Variants in MAU2 observed in about 807,000 individuals in gnomAD.
The protein encoded by MAU2 is MAU2 chromatid cohesion factor homolog.
MAU2 carries 9 observed loss-of-function variants against 89.1 expected under a neutral mutation model. The ratio of observed to expected loss-of-function variants is 0.10; its 90% CI spans 0.06 to 0.18. The LOEUF is 0.18. Among genes scored for constraint, MAU2 ranks in the 10% least tolerant of loss-of-function variants. MAU2 has a pLI of 1.00. For synonymous variants in MAU2, 357 were observed against 343.4 expected (o/e 1.04, Z -0.44); for missense variants, 425 against 803.5 (o/e 0.53, Z 5.69).
rs1390706773 is a variant in MAU2, at chr19:19,341,312, A to G, written c.640A>G (p.Ile214Val). The G allele has an allele frequency of 7.4e-6, 12 of 1,613,476 alleles. No homozygotes were observed. Among genetic ancestry groups the G allele is most frequent in the Non-Finnish European group, 1.0e-5 (12 of 1,180,008 alleles). ...VHPLLTLCGQ[I>V]VENWQGNPIQ... is the part of the protein sequence containing the mutation. ...CCCGCTGCTGACCCTCTGCGGGCAG[A>G]TCGTGGAGAACTGGCAGGGGAACCC... Residue 214 changes from isoleucine (I) to valine (V), a missense_variant, in exon 7 of 19, where the codon ATC (isoleucine) becomes GTC (valine). By Grantham distance (29) the Ile-to-Val change is conservative (BLOSUM62 3). Transcript: ENST00000262815.
chr19:19,337,513 G>A (rs923918739), intron 4 of MAU2, among the ~76,000 whole-genome samples: 12 of 152,220 alleles, frequency 7.9e-5, no homozygotes, highest in Non-Finnish European at 1.5e-4. Context: ...GTGGGAGTGC[G>A]GGGCTTCCCC....
chr19:19,355,564 G>C, intron 18 of MAU2, 144 bp from the exon 19 acceptor site: 1 of 1,193,718 alleles, frequency 8.4e-7, no homozygotes, highest in Non-Finnish European at 1.2e-6. Context: ...AAGGGACCCA[G>C]GTGTCTCCTC....
rs150150358 is a variant in MAU2, at chr19:19,348,918, G to C, written c.1338G>C (p.Pro446=). The part of the protein sequence containing the change: ...VLYSLLERIN[P]DHSFPVSSHC... ...ACAGTCTGCTGGAGAGGATCAACCC[G>C]GACCACAGCTTCCCTGTCAGGTGAG... Residue 446 remains proline, a synonymous_variant, in exon 14 of 19, where the codon CCG becomes CCC. Transcript: ENST00000262815. 2 of 1,613,752 alleles carry C rather than the reference G, an allele frequency of 1.2e-6. No individual in the cohort carries two copies. Among genetic ancestry groups the C allele is most frequent in the Admixed American group, 3.3e-5 (2 of 59,998 alleles).
chr19:19,355,955 C>A lies in MAU2; in HGVS notation c.*173C>A. The stretch of plus-strand genomic sequence containing the variant: ...CCTCCCAGGAGGGGTGGTAGCCGTT[C>A]CCACCTCGCAGCAGGACCCCCAGTG... On this transcript the variant is annotated 3_prime_UTR_variant, in exon 19 of 19. Coordinates refer to ENST00000262815, the MANE Select transcript of MAU2 (RefSeq NM_015329.4). The A allele has an allele frequency of 1.4e-6, 1 of 716,206 alleles. No individual in the cohort carries two copies. The highest frequency in any genetic ancestry group is 2.5e-6 in the Non-Finnish European group (1 of 399,964). 44.4% of individuals were successfully genotyped at this position (716,206 alleles called of 1,614,324 possible).
In MAU2 at chr19:19,348,950, C is replaced by T; in HGVS notation, c.1358+12C>T. ...AGCTTCCCTGTCAGGTGAGCCGCTC[C>T]AGGCACCACTCCACGCACGGCCTAG... On this transcript the variant is annotated intron_variant, in intron 14 of 18. Transcript: ENST00000262815. 1 of 1,612,878 alleles carries T rather than the reference C, an allele frequency of 6.2e-7. No individual in the cohort carries two copies. Among genetic ancestry groups the T allele is most frequent in the Non-Finnish European group, 8.5e-7 (1 of 1,179,556 alleles).
In MAU2 at chr19:19,338,826, T is replaced by C; in HGVS notation, c.457-19T>C. 6.3e-7 allele frequency: 1 copy of C among 1,596,942 alleles called. No homozygotes were observed. The highest frequency in any genetic ancestry group is 8.6e-7 in the Non-Finnish European group (1 of 1,167,720). ...TGATGGGTTTGGCAGCAAAGGTCACTGCTCTCTTTCCTTTTTAGCAACTGC... is the reference window on the plus strand; with the variant it reads ...TGATGGGTTTGGCAGCAAAGGTCACCGCTCTCTTTCCTTTTTAGCAACTGC... On this transcript the variant is annotated intron_variant, in intron 4 of 18. Transcript: ENST00000262815.
At chr19:19,325,699 G>A (rs754282000) in intron 1 of MAU2, among the ~76,000 whole-genome samples, 156 of 152,062 alleles carry the variant, frequency 1.0e-3, no homozygotes, top group Middle Eastern at 6.8e-3. Context: ...AGCTGGTCTC[G>A]AACTCCTGAC....
In MAU2 at chr19:19,336,575, G is replaced by A. The variant is rs144434675; in HGVS notation, c.360+388G>A. On this transcript the variant is annotated intron_variant, in intron 3 of 18. Coordinates refer to ENST00000262815, the MANE Select transcript of MAU2 (RefSeq NM_015329.4). ...ACACAGGAACCACTGTGCCCAGCCC[G>A]GTGGCTTTTAACACTCAGATTACTT... Among the ~76,000 whole-genome samples the A allele has an allele frequency of 5.4e-3, 818 of 152,268 alleles. 5 individuals are homozygous for A. Among genetic ancestry groups the A allele is most frequent in the Non-Finnish European group, 8.0e-3 (544 of 68,036 alleles).
intron 1 of MAU2, among the ~76,000 whole-genome samples, chr19:19,328,663 C>T (rs1488869484): frequency 6.6e-6 from 1 of 152,064 alleles, no homozygotes; most frequent in African/African-American, 2.4e-5. Context: ...CCTCGTAATC[C>T]GCCCGCCTCA....
chr19:19,338,354 C>T (rs2061613615), intron 4 of MAU2, among the ~76,000 whole-genome samples: 1 of 152,212 alleles, frequency 6.6e-6, no homozygotes, highest in South Asian at 2.1e-4. Context: ...CACCCAAGGG[C>T]CGAGCTCTTC....
intron 1 of MAU2, among the ~76,000 whole-genome samples, chr19:19,322,599 GA>G (rs1324340203): frequency 6.6e-6 from 1 of 151,830 alleles, no homozygotes; most frequent in Admixed American, 6.6e-5. Context: ...CCCTGTCTCA[GA>G]AAAAAAAGAT....
chr19:19,326,712 A>ATG (rs1438420376), intron 1 of MAU2, among the ~76,000 whole-genome samples: 2 of 115,354 alleles, frequency 1.7e-5, no homozygotes, highest in African/African-American at 6.1e-5. Context: ...GTATATATAT[A>ATG]TATATATACA....
At chr19:19,349,519 G>A (rs2146704572) in intron 16 of MAU2, 83 bp downstream of exon 16, 3 of 1,195,924 alleles carry the variant, frequency 2.5e-6, no homozygotes, top group Non-Finnish European at 3.7e-6. Flanking sequence ...CCCTAAGGGT[G>A]GCATGGCACT....
chr19:19,320,985 C>G lies in MAU2; in HGVS notation c.126C>G (p.Pro42=). ...AGCACTTCCGCACTTCCAGCCCGCC[C>G]AAAATCCGCCTGTGCGTGCACTGCC... ...FAEHFRTSSP[P]KIRLCVHCLQ... The change falls in exon 1 of 19, where the codon CCC becomes CCG. Residue 42 remains proline (P), a synonymous_variant. Coordinates refer to ENST00000262815, the MANE Select transcript of MAU2 (RefSeq NM_015329.4). The G allele has an allele frequency of 1.2e-6, 2 of 1,608,318 alleles. No individual in the cohort carries two copies. Among genetic ancestry groups the G allele is most frequent in the Non-Finnish European group, 1.7e-6 (2 of 1,177,466 alleles).
chr19:19,354,524 T>C, intron 17 of MAU2, 79 bp downstream of exon 17: 1 of 1,313,398 alleles, frequency 7.6e-7, no homozygotes, highest in Non-Finnish European at 1.1e-6. Flanking sequence ...CATGTCCTGC[T>C]CAGCCTTAGC....
chr19:19,345,025 A>C lies in MAU2; in HGVS notation c.1155+99A>C, dbSNP rs2061681929. On this transcript the variant is annotated intron_variant, in intron 11 of 18. Transcript: ENST00000262815. The surrounding 1 kb of genome is among the most constrained non-coding windows in gnomAD (Gnocchi z 4.9). ...AACATTCCCAGTGAAGGACCCCCTG[A>C]CAGCACCCTAATCAGAATCCGGAAT... 2.8e-6 allele frequency: 3 copies of C among 1,069,026 alleles called. No homozygotes were observed. The South Asian group carries it at 4.0e-5, about 14-fold the overall frequency. The allele number at this position is 1,069,026 out of a possible 1,614,324, so 66.2% of individuals were successfully genotyped here. A position where few individuals can be genotyped will look rare whatever the true frequency, so the allele number is the denominator to read the frequency against.
intron 12 of MAU2, among the ~76,000 whole-genome samples, chr19:19,346,613 A>C (rs1018835572): frequency 6.6e-6 from 1 of 152,154 alleles, no homozygotes; most frequent in Admixed American, 6.5e-5. Context: ...GGATCTGTGC[A>C]GGTGGGGTCT....
intron 4 of MAU2, 130 bp from the exon 5 acceptor site, chr19:19,338,715 G>A (rs2061616447): frequency 1.6e-6 from 1 of 643,172 alleles, no homozygotes; most frequent in African/African-American, 1.8e-5. Flanking sequence ...GGTTAATTTA[G>A]CTCAAAACTG....
At chr19:19,332,192 G>T (rs954697089) in intron 1 of MAU2, among the ~76,000 whole-genome samples, 1 of 152,088 alleles carries the variant, frequency 6.6e-6, no homozygotes, top group East Asian at 1.9e-4. Flanking sequence ...TCAGGGTCTT[G>T]CCCTGTTGCC....
Sources: gnomAD v4.1 joint callset for allele counts (sites outside exome capture counted in the v4.1 genomes callset) on GRCh38, gnomAD v4.1.1 for gene constraint, Gnocchi (gnomAD v3.1) non-coding constraint, MANE v1.5 for transcripts, NCBI Gene and HGNC (gene_info 2026-07-23, HGNC 2026-07-21) for gene names.